The following NFIB variants were observed in gnomAD, a reference collection of about 807,000 sequenced individuals.
NFIB encodes nuclear factor I B, also known as nuclear factor 1 B-type.
A neutral mutation model predicts 61.5 loss-of-function variants in NFIB; 11 were observed. That is an observed-to-expected ratio of 0.18 (90% CI 0.11 to 0.30). NFIB has a LOEUF of 0.30. Ranked by LOEUF, NFIB falls within the 10% of genes least tolerant of loss-of-function variation. The pLI, the probability that NFIB is intolerant of heterozygous loss-of-function variation, is 1.00. For synonymous variants in NFIB, 260 were observed against 216.5 expected, an observed-to-expected ratio of 1.20 and a Z score of -1.76; for missense variants, 471 against 608.9, an observed-to-expected ratio of 0.77 and a Z score of 2.38.
intron 1 of NFIB, among the ~76,000 whole-genome samples, chr9:14,333,243 C>T (rs1246692155): frequency 6.6e-5 from 10 of 152,184 alleles, no homozygotes; most frequent in Admixed American, 6.5e-4. Flanking sequence ...CAGGTGTAAT[C>T]TTGTCTCTTG....
At chr9:14,358,795 C>G (rs934163877) in intron 1 of NFIB, among the ~76,000 whole-genome samples, 4 of 152,164 alleles carry the variant, frequency 2.6e-5, no homozygotes, top group Non-Finnish European at 4.4e-5. Context: ...TCCAAATCAA[C>G]TGGTAAATGT....
chr9:14,189,545 GATAT>G (rs2047710680), intron 2 of NFIB, among the ~76,000 whole-genome samples: 1 of 151,220 alleles, frequency 6.6e-6, no homozygotes. Flanking sequence ...AAGGCTATGA[GATAT>G]ATATATTTAA....
intron 3 of NFIB, among the ~76,000 whole-genome samples, chr9:14,174,062 T>C (rs547063607): frequency 6.6e-6 from 1 of 152,350 alleles, no homozygotes; most frequent in South Asian, 2.1e-4. Flanking sequence ...TCATCCTCTC[T>C]TCCTTTACTC....
the NFIB span, among the ~76,000 whole-genome samples, chr9:14,452,830 C>T: frequency 6.6e-6 from 1 of 152,092 alleles, no homozygotes; most frequent in Non-Finnish European, 1.5e-5. Context: ...GGGACTAAAA[C>T]AAATTAACTG....
At chr9:14,137,858 A>T (rs1384413728) in intron 6 of NFIB, among the ~76,000 whole-genome samples, 1 of 152,116 alleles carries the variant, frequency 6.6e-6, no homozygotes, top group East Asian at 1.9e-4. Flanking sequence ...TTTTAACCTG[A>T]TTTCAGAGCA....
At chr9:14,262,391 C>T (rs1267281487) in intron 2 of NFIB, among the ~76,000 whole-genome samples, 2 of 152,172 alleles carry the variant, frequency 1.3e-5, no homozygotes, top group African/African-American at 2.4e-5. Flanking sequence ...AGTCAAAGCA[C>T]AGCGAATACA....
the NFIB span, among the ~76,000 whole-genome samples, chr9:14,519,574 T>C: frequency 1.2e-3 from 188 of 152,188 alleles, no homozygotes; most frequent in Non-Finnish European, 1.2e-3. Context: ...CTTATTTGTG[T>C]CTTTTCTTAT....
chr9:14,129,637 T>C (rs907901002), intron 6 of NFIB, among the ~76,000 whole-genome samples: 2 of 152,210 alleles, frequency 1.3e-5, no homozygotes, highest in South Asian at 2.1e-4. Context: ...AAAAAAAAGT[T>C]TGAAGAATGA....
chr9:14,336,312 A>C (rs1265193152), intron 1 of NFIB, among the ~76,000 whole-genome samples: 1 of 152,230 alleles, frequency 6.6e-6, no homozygotes, highest in Admixed American at 6.5e-5. Flanking sequence ...GTTTTTATAA[A>C]TGTATGAGCC....
the NFIB span, among the ~76,000 whole-genome samples, chr9:14,486,233 T>C: frequency 6.6e-6 from 1 of 152,136 alleles, no homozygotes; most frequent in Non-Finnish European, 1.5e-5. Flanking sequence ...TAGCTCCTTA[T>C]GAAAACCAAA....
At chr9:14,196,208 C>T (rs1270035795) in intron 2 of NFIB, among the ~76,000 whole-genome samples, 1 of 152,070 alleles carries the variant, frequency 6.6e-6, no homozygotes, top group African/African-American at 2.4e-5. Context: ...ATAAAAGTCT[C>T]AAGGCCATTA....
chr9:14,294,873 C>T (rs1325625448), intron 2 of NFIB, among the ~76,000 whole-genome samples: 3 of 152,204 alleles, frequency 2.0e-5, no homozygotes, highest in South Asian at 4.1e-4. Flanking sequence ...AATCTCTCCA[C>T]TTTCCAAACC....
At chr9:14,468,994 G>A in the NFIB span, among the ~76,000 whole-genome samples, 1 of 152,124 alleles carries the variant, frequency 6.6e-6, no homozygotes, top group Non-Finnish European at 1.5e-5. Context: ...ACATATCCAG[G>A]TATCAGAAGT....
At chr9:14,472,478 A>G in the NFIB span, among the ~76,000 whole-genome samples, 491 of 152,332 alleles carry the variant, frequency 3.2e-3, 3 homozygotes, top group African/African-American at 0.011. Flanking sequence ...AATGTGTAAA[A>G]CAAAATAAAA....
chr9:14,365,710 C>G (rs927201755), intron 1 of NFIB, among the ~76,000 whole-genome samples: 5 of 152,174 alleles, frequency 3.3e-5, no homozygotes, highest in Admixed American at 1.3e-4. Context: ...AACATATGCT[C>G]TTATCAATTA....
chr9:14,331,893 G>A (rs563936986), intron 1 of NFIB, among the ~76,000 whole-genome samples: 5 of 152,214 alleles, frequency 3.3e-5, no homozygotes, highest in Admixed American at 6.5e-5. Flanking sequence ...TCTATATATC[G>A]ATTATTACTT....
Position 14,116,287 on chromosome 9 carries a change from T to C in NFIB, c.1305A>G (p.Ala435=). The C allele has an allele frequency of 2.6e-6, 4 of 1,538,564 alleles. No homozygotes were observed. Among genetic ancestry groups the C allele is most frequent in the Non-Finnish European group, 3.5e-6 (4 of 1,140,322 alleles). ...KVPGHFTPVL[A]PSPHPSAVRP... The stretch of plus-strand genomic sequence containing the variant: ...GCACTGCACTGGGATGGGGAGAGGG[T>C]GCCAAGACAGGAGTGAAATGGCCAG... The change falls in exon 9 of 11, where the codon GCA becomes GCG. Residue 435 remains alanine (A), a synonymous_variant. Coordinates refer to ENST00000380953, the MANE Select transcript of NFIB (RefSeq NM_001190737.2).
chr9:14,251,930 A>G lies in NFIB; in HGVS notation c.562+55059T>C, dbSNP rs111682968. Among the ~76,000 whole-genome samples the G allele has an allele frequency of 2.6e-3, 402 of 152,318 alleles. 2 individuals carry two copies. The highest frequency in any genetic ancestry group is 9.3e-3 in the African/African-American group (385 of 41,566). On this transcript the variant is annotated intron_variant, in intron 2 of 10. Coordinates refer to ENST00000380953, the MANE Select transcript of NFIB (RefSeq NM_001190737.2). ...CGAGGTTTAGTAGGCAAGCCACACA[A>G]ATTCTGTGGGATTTAGTCACCGTTA...
chr9:14,517,429 T>C, the NFIB span, among the ~76,000 whole-genome samples: 7 of 152,228 alleles, frequency 4.6e-5, no homozygotes, highest in African/African-American at 1.4e-4. Flanking sequence ...GGAATGCTGC[T>C]GATAAGGATT....
Sources: allele counts gnomAD v4.1 joint callset (sites outside exome capture counted in the v4.1 genomes callset), GRCh38; gene constraint gnomAD v4.1.1; transcripts MANE v1.5; gene names NCBI Gene and HGNC (gene_info 2026-07-23, HGNC 2026-07-21).